The following KCTD15 variants were observed in gnomAD, a reference collection of about 807,000 sequenced individuals.
The protein encoded by KCTD15 is BTB/POZ domain-containing protein KCTD15.
KCTD15 carries 11 observed loss-of-function variants against 27.2 expected under a neutral mutation model. That is an observed-to-expected ratio of 0.41 (90% CI 0.25 to 0.67). The LOEUF (loss-of-function observed/expected upper bound fraction) is 0.67, where lower values mean the gene tolerates loss of function less well. KCTD15 is among the 30% of genes least tolerant of loss of function. KCTD15 has a pLI of 0.35. For missense variants in KCTD15, 350 were observed against 409.3 expected, an observed-to-expected ratio of 0.86 and a Z score of 1.25; for synonymous variants, 163 against 176.0, an observed-to-expected ratio of 0.93 and a Z score of 0.58.
intron 4 of KCTD15, among the ~76,000 whole-genome samples, chr19:33,806,182 C>G (rs1037042133): frequency 1.1e-4 from 17 of 152,242 alleles, no homozygotes; most frequent in African/African-American, 4.1e-4. Flanking sequence ...GCCATCCCTC[C>G]TGTCTGCCTC....
chr19:33,813,194 C>T lies in KCTD15; in HGVS notation c.*246C>T, dbSNP rs1485413125. 1 of 628,804 alleles carries T rather than the reference C, an allele frequency of 1.6e-6. No homozygotes were observed. Among genetic ancestry groups the T allele is most frequent in the South Asian group, 1.8e-5 (1 of 56,494 alleles). 39.0% of individuals were successfully genotyped at this position (628,804 alleles called of 1,614,324 possible). A position where few individuals can be genotyped will look rare whatever the true frequency, so the allele number is the denominator to read the frequency against. On this transcript the variant is annotated 3_prime_UTR_variant, in exon 7 of 7. Transcript: ENST00000683859. ...GGTGGGATCTCTGCTGCCAGCTCTC[C>T]CAGCCCCTCAGCTTCGCAGCCTGGC...
At chr19:33,811,183 CT>C in intron 5 of KCTD15, 63 bp from the exon 6 acceptor site, 47 of 833,714 alleles carry the variant, frequency 5.6e-5, no homozygotes, top group East Asian at 1.2e-4. Flanking sequence ...CGCCTCCCCT[CT>C]CCCCCTTCCC....
Position 33,801,197 on chromosome 19 carries a change from A to G in KCTD15, c.97A>G (p.Thr33Ala). Reference protein sequence around the residue: ...EGGNMSRLSLTRSPVSPLAAQ... With the variant: ...EGGNMSRLSLARSPVSPLAAQ... ...AGGAAACATGTCCCGGCTGTCTCTC[A>G]CCCGGTCGCCTGTGTCTCCCCTGGC... Residue 33 changes from threonine to alanine, a missense_variant, in exon 4 of 7, where the codon ACC becomes GCC. Transcript: ENST00000683859. The G allele has an allele frequency of 6.2e-7, 1 of 1,610,908 alleles. No individual in the cohort carries two copies. Among genetic ancestry groups the G allele is most frequent in the Non-Finnish European group, 8.5e-7 (1 of 1,178,538 alleles).
Position 33,811,235 on chromosome 19 carries a change from GCCTGTCC to G in KCTD15, c.388-9_388-3del. ...CGACACCCACATCAACACCCTGTGCGCCTGTCCCCAGGACTTCAGTCTGCTGTACGAG... is the reference window on the plus strand; with the variant it reads ...CGACACCCACATCAACACCCTGTGCGCCAGGACTTCAGTCTGCTGTACGAG... On this transcript the variant is annotated splice_region_variant and splice_polypyrimidine_tract_variant and intron_variant, in intron 5 of 6. Transcript: ENST00000683859. 6.8e-7 allele frequency: 1 copy of G among 1,470,036 alleles called. No individual in the cohort carries two copies. The highest frequency in any genetic ancestry group is 9.0e-7 in the Non-Finnish European group (1 of 1,107,734). The allele number at this position is 1,470,036 out of a possible 1,614,324, so 91.1% of individuals were successfully genotyped here.
At chr19:33,805,910 G>A (rs966172975) in intron 4 of KCTD15, among the ~76,000 whole-genome samples, 1 of 152,228 alleles carries the variant, frequency 6.6e-6, no homozygotes, top group Non-Finnish European at 1.5e-5. Context: ...ACAGGGACAG[G>A]CATCAGGGGC....
At chr19:33,805,867 G>T (rs943917317) in intron 4 of KCTD15, among the ~76,000 whole-genome samples, 1 of 152,202 alleles carries the variant, frequency 6.6e-6, no homozygotes, top group Admixed American at 6.5e-5. Context: ...ATCAGCCCTG[G>T]CTCTGAGGCC....
chr19:33,811,529 T>A lies in KCTD15; in HGVS notation c.670T>A (p.Tyr224Asn), dbSNP rs1975918448. Residue 224 changes from tyrosine (Y) to asparagine (N), a missense_variant, in exon 6 of 7, where the codon TAC (tyrosine) becomes AAC (asparagine). By Grantham distance (143) the Tyr-to-Asn change is moderately radical (BLOSUM62 -2). Coordinates refer to ENST00000683859, the MANE Select transcript of KCTD15 (RefSeq NM_001129994.2). ...THVIRFPLNG[Y>N]CRLNSVQVLE... ...CGTCATCCGCTTCCCGCTCAATGGC[T>A]ACTGCCGGCTCAACTCGGTACAGGT... 6.2e-6 allele frequency: 10 copies of A among 1,607,916 alleles called. No individual in the cohort carries two copies. Among genetic ancestry groups the A allele is most frequent in the Non-Finnish European group, 6.8e-6 (8 of 1,176,088 alleles).
chr19:33,812,389 A>G (rs1408894363), intron 6 of KCTD15: 5 of 1,034,354 alleles, frequency 4.8e-6, no homozygotes. Flanking sequence ...GCTGAAGGAC[A>G]GGGAACTCTC....
chr19:33,813,339 G>A lies in KCTD15; in HGVS notation c.*391G>A, dbSNP rs781146517. 199 of 475,158 alleles carry A rather than the reference G, an allele frequency of 4.2e-4. No homozygotes were observed. The highest frequency in any genetic ancestry group is 4.2e-4 in the African/African-American group (16 of 38,456). The allele number at this position is 475,158 out of a possible 1,614,324, so 29.4% of individuals were successfully genotyped here. The stretch of plus-strand genomic sequence containing the variant: ...GGCAGACTCTGGCGGGTCTCCTAGC[G>A]TCCGAGAGATGGCTTATTTTCTACA... On this transcript the variant is annotated 3_prime_UTR_variant, in exon 7 of 7. Transcript: ENST00000683859.
intron 2 of KCTD15, 72 bp from the exon 3 acceptor site, chr19:33,800,355 TA>T: frequency 8.0e-7 from 1 of 1,248,286 alleles, no homozygotes; most frequent in Non-Finnish European, 1.1e-6. Flanking sequence ...AGGACAATTC[TA>T]AGTGTCTTTG....
chr19:33,813,327 G>A lies in KCTD15; in HGVS notation c.*379G>A, dbSNP rs751614669. The A allele has an allele frequency of 1.7e-5, 9 of 516,100 alleles. No homozygotes were observed. Among genetic ancestry groups the A allele is most frequent in the African/African-American group, 5.9e-5 (3 of 50,702 alleles). 32.0% of individuals were successfully genotyped at this position (516,100 alleles called of 1,614,324 possible). A position where few individuals can be genotyped will look rare whatever the true frequency, so the allele number is the denominator to read the frequency against. On this transcript the variant is annotated 3_prime_UTR_variant, in exon 7 of 7. Coordinates refer to ENST00000683859, the MANE Select transcript of KCTD15 (RefSeq NM_001129994.2). ...CTCTCCACGCGGGGCAGACTCTGGCGGGTCTCCTAGCGTCCGAGAGATGGC... is the reference window on the plus strand; with the variant it reads ...CTCTCCACGCGGGGCAGACTCTGGCAGGTCTCCTAGCGTCCGAGAGATGGC...
chr19:33,805,320 G>A (rs1034554425), intron 4 of KCTD15, among the ~76,000 whole-genome samples: 3 of 152,214 alleles, frequency 2.0e-5, no homozygotes, highest in Admixed American at 1.3e-4. Flanking sequence ...TGCATTGAGT[G>A]TGCTGGGCCA....
chr19:33,813,438 G>A lies in KCTD15; in HGVS notation c.*490G>A, dbSNP rs1247521877. 2.2e-6 allele frequency: 1 copy of A among 456,538 alleles called. No homozygotes were observed. Among genetic ancestry groups the A allele is most frequent in the East Asian group, 6.9e-5 (1 of 14,430 alleles). The allele number at this position is 456,538 out of a possible 1,614,324, so 28.3% of individuals were successfully genotyped here. On this transcript the variant is annotated 3_prime_UTR_variant, in exon 7 of 7. Coordinates refer to ENST00000683859, the MANE Select transcript of KCTD15 (RefSeq NM_001129994.2). ...AAGGACCAATGCTTCTTTATCTGGT[G>A]CTCAGTTCTCAGTCAGACGTGCAGC...
chr19:33,809,509 G>A (rs982919787), intron 5 of KCTD15, among the ~76,000 whole-genome samples: 5 of 152,032 alleles, frequency 3.3e-5, no homozygotes, highest in African/African-American at 4.8e-5. Flanking sequence ...AGCTGGTGGG[G>A]CATCAGATGG....
intron 4 of KCTD15, among the ~76,000 whole-genome samples, chr19:33,803,009 C>G (rs1393066081): frequency 6.6e-6 from 1 of 152,178 alleles, no homozygotes; most frequent in African/African-American, 2.4e-5. Context: ...TTGCTTTGTT[C>G]TGCTGTGGGA....
At chr19:33,805,110 A>G (rs1975672424) in intron 4 of KCTD15, among the ~76,000 whole-genome samples, 1 of 152,010 alleles carries the variant, frequency 6.6e-6, no homozygotes, top group Non-Finnish European at 1.5e-5. Flanking sequence ...TTTTGTAGAG[A>G]TGGGGTCTTG....
At chr19:33,802,886 C>T (rs911792217) in intron 4 of KCTD15, among the ~76,000 whole-genome samples, 3 of 152,292 alleles carry the variant, frequency 2.0e-5, no homozygotes, top group Non-Finnish European at 4.4e-5. Flanking sequence ...CAGCCCAGGC[C>T]CTGGGGGAGG....
At chr19:33,797,344 G>T in intron 1 of KCTD15, 1 of 447,784 alleles carries the variant, frequency 2.2e-6, no homozygotes. Context: ...TCTGGGCCGA[G>T]CGCCCTGCAG....
At chr19:33,799,885 T>C (rs181807252) in intron 2 of KCTD15, among the ~76,000 whole-genome samples, 39 of 152,230 alleles carry the variant, frequency 2.6e-4, no homozygotes, top group Middle Eastern at 6.8e-3. Context: ...CTCATCCATG[T>C]GCCTGGACTT....
Sources: allele counts gnomAD v4.1 joint callset (sites outside exome capture counted in the v4.1 genomes callset), GRCh38; gene constraint gnomAD v4.1.1; transcripts MANE v1.5; gene names NCBI Gene and HGNC (gene_info 2026-07-23, HGNC 2026-07-21).